Variants in NUP205 observed in about 807,000 individuals in gnomAD.
NUP205 encodes the protein nucleoporin 205, also known as nuclear pore complex protein Nup205.
A neutral mutation model predicts 253.8 loss-of-function variants in NUP205; 76 were observed. That is an observed-to-expected ratio of 0.30 (90% CI 0.25 to 0.36). The LOEUF is 0.36. Among genes scored for constraint, NUP205 ranks in the 10% least tolerant of loss-of-function variants. The probability of loss-of-function intolerance (pLI) is 1.00; values close to 1 mark genes in which losing one functional copy is unlikely to be tolerated. For missense variants in NUP205, 2,162 were observed against 2,425.5 expected (o/e 0.89, Z 2.28); for synonymous variants, 832 against 850.1 (o/e 0.98, Z 0.37).
intron 1 of NUP205, among the ~76,000 whole-genome samples, chr7:135,564,481 C>G (rs1805690935): frequency 6.6e-6 from 1 of 151,682 alleles, no homozygotes; most frequent in Non-Finnish European, 1.5e-5. Context: ...GAACTCCTGA[C>G]CTTGTGATCT....
At chr7:135,622,671 G>C in intron 30 of NUP205, 106 bp from the exon 31 acceptor site, 2 of 853,612 alleles carry the variant, frequency 2.3e-6, no homozygotes, top group Non-Finnish European at 3.4e-6. Flanking sequence ...TTTTTGTTGC[G>C]TTTTTTTTTT....
rs774423943 is a variant in NUP205 at position 135,578,731 on chromosome 7, G to T, written c.878-20G>T. ...AATTTATCTGGTGATCGGTAAAGTG[G>T]TCTATTTTTGTGTTTTCAGATATGA... On this transcript the variant is annotated intron_variant, in intron 6 of 42. Coordinates refer to ENST00000285968, the MANE Select transcript of NUP205 (RefSeq NM_015135.3). 2 of 1,560,800 alleles carry T rather than the reference G, an allele frequency of 1.3e-6. No individual in the cohort carries two copies. Among genetic ancestry groups the T allele is most frequent in the Non-Finnish European group, 1.7e-6 (2 of 1,148,960 alleles).
intron 30 of NUP205, among the ~76,000 whole-genome samples, chr7:135,620,331 C>G (rs569649298): frequency 6.6e-6 from 1 of 152,124 alleles, no homozygotes; most frequent in African/African-American, 2.4e-5. Context: ...GTCAGGAGTT[C>G]GAGACCAGCT....
chr7:135,598,256 T>A, intron 15 of NUP205, 49 bp downstream of exon 15: 1 of 1,488,534 alleles, frequency 6.7e-7, no homozygotes, highest in South Asian at 1.2e-5. Context: ...TACTGCTTTT[T>A]CTTTTATCAA....
chr7:135,583,512 C>T (rs1008568812), intron 7 of NUP205, among the ~76,000 whole-genome samples: 2 of 152,124 alleles, frequency 1.3e-5, no homozygotes, highest in Non-Finnish European at 2.9e-5. Context: ...GTAATCCCAG[C>T]ACTTTGGGAG....
intron 1 of NUP205, among the ~76,000 whole-genome samples, chr7:135,562,832 C>A (rs1022034276): frequency 1.3e-5 from 2 of 152,148 alleles, no homozygotes; most frequent in African/African-American, 2.4e-5. Flanking sequence ...GCCTGAGCCA[C>A]CACACTCGGT....
intron 1 of NUP205, among the ~76,000 whole-genome samples, chr7:135,565,339 T>C (rs1805721978): frequency 6.6e-6 from 1 of 152,154 alleles, no homozygotes; most frequent in African/African-American, 2.4e-5. Context: ...CTTTATACCA[T>C]GTGCCATTTG....
At chr7:135,588,036 A>G in intron 10 of NUP205, 44 bp downstream of exon 10, 1 of 1,522,548 alleles carries the variant, frequency 6.6e-7, no homozygotes, top group Non-Finnish European at 8.8e-7. Context: ...GTACTGTGAT[A>G]GAGAGTCTTG....
intron 35 of NUP205, 115 bp from the exon 36 acceptor site, chr7:135,635,466 G>T: frequency 1.8e-6 from 1 of 547,548 alleles, no homozygotes. Flanking sequence ...CTTTTTTATG[G>T]CAAGAATATC....
intron 33 of NUP205, 91 bp from the exon 34 acceptor site, chr7:135,627,882 G>T: frequency 7.8e-7 from 1 of 1,285,692 alleles, no homozygotes; most frequent in Non-Finnish European, 1.1e-6. Context: ...TAATCAGCCG[G>T]CTCTGATTTA....
At chr7:135,636,706 C>T (rs766570763) in intron 36 of NUP205, among the ~76,000 whole-genome samples, 1 of 152,064 alleles carries the variant, frequency 6.6e-6, no homozygotes, top group Non-Finnish European at 1.5e-5. Context: ...TATGTTTTGC[C>T]TTATCGAAAC....
chr7:135,591,021 T>C (rs1339614623), intron 10 of NUP205, among the ~76,000 whole-genome samples: 3 of 152,220 alleles, frequency 2.0e-5, no homozygotes, highest in African/African-American at 7.2e-5. Flanking sequence ...GGCATTGGTT[T>C]GACCACAGAA....
At chr7:135,611,931 G>A (rs546771524) in intron 22 of NUP205, among the ~76,000 whole-genome samples, 17 of 152,014 alleles carry the variant, frequency 1.1e-4, no homozygotes, top group Non-Finnish European at 2.2e-4. Context: ...TGGCTAACAC[G>A]GTGAAACCCC....
At position 135,597,156 on chromosome 7, in the gene NUP205, A is replaced by G. The variant is rs1213311598; in HGVS notation, c.2014-212A>G. 2.2e-5 allele frequency: 10 copies of G among 463,544 alleles called. No individual in the cohort carries two copies. In the East Asian group the frequency reaches 2.8e-4, roughly 13 times the overall value. The allele number at this position is 463,544 out of a possible 1,614,324, so 28.7% of individuals were successfully genotyped here. On this transcript the variant is annotated intron_variant, in intron 13 of 42. Transcript: ENST00000285968. ...TCTTGTGTGCTCTTAGAAACTACCAATTTTCAGAACCCCAGACAGTCAAAA... is the reference window on the plus strand; with the variant it reads ...TCTTGTGTGCTCTTAGAAACTACCAGTTTTCAGAACCCCAGACAGTCAAAA...
chr7:135,623,029 G>A, intron 31 of NUP205, 104 bp downstream of exon 31: 1 of 1,230,448 alleles, frequency 8.1e-7, no homozygotes, highest in East Asian at 2.5e-5. Context: ...TGTAATCTCA[G>A]TGCTTTCGAA....
At chr7:135,602,070 G>C (rs990425668) in intron 17 of NUP205, among the ~76,000 whole-genome samples, 3 of 152,080 alleles carry the variant, frequency 2.0e-5, no homozygotes, top group Admixed American at 2.0e-4. Context: ...GTGGGAGCTG[G>C]GATTTGAACC....
chr7:135,571,316 C>G, intron 2 of NUP205, 69 bp downstream of exon 2: 1 of 1,053,728 alleles, frequency 9.5e-7, no homozygotes. Flanking sequence ...GAAGTAAACT[C>G]TTTTCTTTTT....
chr7:135,585,843 G>A (rs1171228619), intron 8 of NUP205, among the ~76,000 whole-genome samples: 2 of 152,090 alleles, frequency 1.3e-5, no homozygotes, highest in East Asian at 3.9e-4. Flanking sequence ...TGCCTGGCCC[G>A]ATTGTTTAGA....
intron 17 of NUP205, 138 bp downstream of exon 17, chr7:135,601,645 C>A: frequency 1.1e-6 from 1 of 894,560 alleles, no homozygotes; most frequent in East Asian, 2.5e-5. Flanking sequence ...GTGGTGTTTT[C>A]AGTGAATCAT....
Sources: allele counts gnomAD v4.1 joint callset (sites outside exome capture counted in the v4.1 genomes callset), GRCh38; gene constraint gnomAD v4.1.1; transcripts MANE v1.5; gene names NCBI Gene and HGNC (gene_info 2026-07-23, HGNC 2026-07-21).